Variants in BARD1 observed in about 807,000 individuals in gnomAD.
BARD1 encodes the protein BRCA1 associated RING domain 1, also known as BRCA1-associated RING domain protein 1.
A neutral mutation model predicts 77.0 loss-of-function variants in BARD1; 73 were observed. That is an observed-to-expected ratio of 0.95 (90% CI 0.79 to 1.15). The LOEUF is 1.15. Among genes scored for constraint, BARD1 ranks in the 50% most tolerant of loss-of-function variants. BARD1 has a pLI of 0.00. For synonymous variants in BARD1, 384 were observed against 338.0 expected, an observed-to-expected ratio of 1.14 and a Z score of -1.49; for missense variants, 993 against 938.8, an observed-to-expected ratio of 1.06 and a Z score of -0.75.
rs113964061 is a variant in BARD1 at position 214,805,870 on chromosome 2, C to A, written c.158+3542G>T. ...GTTACAATTGTCATAGATGTCTAATCCCACTCTCACCCTCAAAAATATGCC... is the reference window on the plus strand; with the variant it reads ...GTTACAATTGTCATAGATGTCTAATACCACTCTCACCCTCAAAAATATGCC... On this transcript the variant is annotated intron_variant, in intron 1 of 10. Coordinates refer to ENST00000260947, the MANE Select transcript of BARD1 (RefSeq NM_000465.4). 2.8e-3 allele frequency among the ~76,000 whole-genome samples: 427 copies of A among 152,214 alleles called. 3 individuals carry two copies. The highest frequency in any genetic ancestry group is 9.3e-3 in the African/African-American group (384 of 41,508).
intron 4 of BARD1, among the ~76,000 whole-genome samples, chr2:214,773,092 A>C (rs1248292405): frequency 2.0e-5 from 3 of 152,214 alleles, no homozygotes; most frequent in African/African-American, 4.8e-5. Context: ...TTTTATTCCT[A>C]ATCTTTCAAT....
At chr2:214,797,921 A>T (rs1695830769) in intron 1 of BARD1, among the ~76,000 whole-genome samples, 2 of 152,172 alleles carry the variant, frequency 1.3e-5, no homozygotes, top group Non-Finnish European at 2.9e-5. Context: ...TACATTTGTT[A>T]ATCCTAACAA....
chr2:214,790,491 G>T (rs568622826), intron 3 of BARD1, among the ~76,000 whole-genome samples: 2 of 152,176 alleles, frequency 1.3e-5, no homozygotes, highest in East Asian at 3.9e-4. Flanking sequence ...CAAGGAGACT[G>T]GCCTAAAACA....
intron 10 of BARD1, 152 bp downstream of exon 10, chr2:214,730,259 G>A: frequency 1.4e-6 from 1 of 699,974 alleles, no homozygotes; most frequent in South Asian, 1.7e-5. Flanking sequence ...TGCTCATCGT[G>A]ATCATCTTTC....
intron 9 of BARD1, among the ~76,000 whole-genome samples, chr2:214,733,661 CTCTA>C (rs1210938465): frequency 1.3e-5 from 2 of 152,148 alleles, no homozygotes; most frequent in African/African-American, 4.8e-5. Context: ...ATATTGTATG[CTCTA>C]TCTCAGAGTG....
chr2:214,763,329 T>C (rs973025414), intron 6 of BARD1, among the ~76,000 whole-genome samples: 6 of 152,154 alleles, frequency 3.9e-5, no homozygotes, highest in Non-Finnish European at 8.8e-5. Flanking sequence ...CCTCACACCA[T>C]TCTATAATCA....
At chr2:214,734,051 T>G (rs888748761) in intron 9 of BARD1, among the ~76,000 whole-genome samples, 1 of 152,156 alleles carries the variant, frequency 6.6e-6, no homozygotes, top group Non-Finnish European at 1.5e-5. Flanking sequence ...AGAAAGATAA[T>G]AAAATATTCT....
intron 4 of BARD1, among the ~76,000 whole-genome samples, chr2:214,771,855 C>G (rs1288943589): frequency 7.4e-6 from 1 of 135,984 alleles, no homozygotes; most frequent in African/African-American, 2.8e-5. Context: ...CCTAAATTAA[C>G]AAAATGACCT....
At position 214,809,498 on chromosome 2, in the gene BARD1, G is replaced by C; in HGVS notation, c.72C>G (p.Pro24=). The part of the protein sequence containing the change: ...IRSGNEPRSA[P]AMEPDGRGAW... ...CACCGCGACCATCCGGTTCCATGGC[G>C]GGCGCGGAACGAGGCTCGTTCCCGG... Residue 24 remains proline (P), a synonymous_variant, in exon 1 of 11, where the codon CCC becomes CCG. Transcript: ENST00000260947. 6.2e-7 allele frequency: 1 copy of C among 1,606,350 alleles called. No individual in the cohort carries two copies. Among genetic ancestry groups the C allele is most frequent in the South Asian group, 1.1e-5 (1 of 90,302 alleles).
intron 4 of BARD1, among the ~76,000 whole-genome samples, chr2:214,770,404 A>G (rs181536905): frequency 6.6e-6 from 1 of 152,376 alleles, no homozygotes; most frequent in Non-Finnish European, 1.5e-5. Flanking sequence ...TAGCAACAGT[A>G]GCACACTGAT....
rs1060501277 is a variant in BARD1, at chr2:214,780,824, T to C, written c.1050A>G (p.Gln350=). The C allele has an allele frequency of 6.2e-7, 1 of 1,614,128 alleles. No homozygotes were observed. The highest frequency in any genetic ancestry group is 1.1e-5 in the South Asian group (1 of 91,082). The stretch of plus-strand genomic sequence containing the variant: ...ATGGTATATTTTCTGAGGGCACCGT[T>C]TGCTTAACAAAATCTCCACTGGTGC... ...ILSTSGDFVK[Q]TVPSENIPLP... is the part of the protein sequence containing the mutation. Residue 350 remains glutamine (Q), a synonymous_variant, in exon 4 of 11, where the codon CAA becomes CAG. Coordinates refer to ENST00000260947, the MANE Select transcript of BARD1 (RefSeq NM_000465.4).
chr2:214,786,834 G>A (rs72944253), intron 3 of BARD1, among the ~76,000 whole-genome samples: 8,168 of 151,986 alleles, frequency 0.054, 325 homozygotes, highest in Middle Eastern at 0.12. Context: ...ATTAAGACAG[G>A]ATCTTGGAAA....
intron 9 of BARD1, among the ~76,000 whole-genome samples, chr2:214,741,256 G>A (rs1692813377): frequency 2.6e-5 from 4 of 152,108 alleles, no homozygotes; most frequent in Admixed American, 2.0e-4. Flanking sequence ...AAACTTAGAT[G>A]AGAGTGGGGA....
chr2:214,806,585 A>G (rs1472591115), intron 1 of BARD1, among the ~76,000 whole-genome samples: 2 of 152,164 alleles, frequency 1.3e-5, no homozygotes, highest in Non-Finnish European at 2.9e-5. Context: ...ATTAAAGCCC[A>G]TGTAAAGACC....
intron 1 of BARD1, among the ~76,000 whole-genome samples, chr2:214,806,532 G>C (rs1696279553): frequency 6.6e-6 from 1 of 152,122 alleles, no homozygotes; most frequent in Admixed American, 6.6e-5. Context: ...TAGTGCCAAA[G>C]TTGCAGAGAC....
chr2:214,736,197 A>G (rs1228876364), intron 9 of BARD1, among the ~76,000 whole-genome samples: 1 of 152,086 alleles, frequency 6.6e-6, no homozygotes, highest in Non-Finnish European at 1.5e-5. Context: ...TTTATTATAC[A>G]TTGAAAATGA....
At chr2:214,779,442 T>C (rs1694878700) in intron 4 of BARD1, among the ~76,000 whole-genome samples, 2 of 152,220 alleles carry the variant, frequency 1.3e-5, no homozygotes, top group African/African-American at 4.8e-5. Flanking sequence ...CCAAATATTT[T>C]TGATTCGCAG....
In BARD1 at chr2:214,727,754, C is replaced by A. The variant is rs1219766307; in HGVS notation, c.*922G>T. 4.4e-6 allele frequency: 1 copy of A among 227,236 alleles called. No homozygotes were observed. Among genetic ancestry groups the A allele is most frequent in the Non-Finnish European group, 8.7e-6 (1 of 114,356 alleles). The allele number at this position is 227,236 out of a possible 1,614,324, so 14.1% of individuals were successfully genotyped here. A position where few individuals can be genotyped will look rare whatever the true frequency, so the allele number is the denominator to read the frequency against. ...GCCAACCTAAAAACTTTAAAAAAAA[C>A]CTTTTCCTTTTACAAAGGAAGAAAT... On this transcript the variant is annotated 3_prime_UTR_variant, in exon 11 of 11. Coordinates refer to ENST00000260947, the MANE Select transcript of BARD1 (RefSeq NM_000465.4).
chr2:214,776,091 CTA>C (rs1344254531), intron 4 of BARD1, among the ~76,000 whole-genome samples: 1 of 152,286 alleles, frequency 6.6e-6, no homozygotes, highest in Admixed American at 6.5e-5. Context: ...AAAACATTAT[CTA>C]TTATGTCTAC....
Sources: gnomAD v4.1 joint callset for allele counts (sites outside exome capture counted in the v4.1 genomes callset) on GRCh38, gnomAD v4.1.1 for gene constraint, MANE v1.5 for transcripts, NCBI Gene and HGNC (gene_info 2026-07-23, HGNC 2026-07-21) for gene names.